The following ASAH1 variants were observed in gnomAD, a reference collection of about 807,000 sequenced individuals.
The protein encoded by ASAH1 is acid ceramidase.
ASAH1 carries 70 observed loss-of-function variants against 59.5 expected under a neutral mutation model. The ratio of observed to expected loss-of-function variants is 1.18; its 90% CI spans 0.97 to 1.43. The LOEUF (loss-of-function observed/expected upper bound fraction) is 1.43, where lower values mean the gene tolerates loss of function less well. ASAH1 is among the 40% of genes most tolerant of loss of function. The pLI is 0.00. For missense variants in ASAH1, 660 were observed against 482.5 expected (o/e 1.37, Z -3.45); for synonymous variants, 213 against 166.5 (o/e 1.28, Z -2.15).
chr8:18,059,290 G>A (rs780072503), intron 12 of ASAH1, 51 bp downstream of exon 12: 6 of 1,613,090 alleles, frequency 3.7e-6, no homozygotes, highest in Middle Eastern at 1.7e-4. Context: ...CAGAACCAAG[G>A]GAATCTTTAA....
chr8:18,078,116 C>A (rs1589002956), intron 1 of ASAH1, among the ~76,000 whole-genome samples: 1 of 152,248 alleles, frequency 6.6e-6, no homozygotes, highest in East Asian at 1.9e-4. Flanking sequence ...TAGTTCAGGG[C>A]TTCTGGTGAT....
intron 5 of ASAH1, 108 bp downstream of exon 5, chr8:18,067,112 G>GTATATCTAAGACATACAGCACCTGTGCTT: frequency 7.9e-6 from 4 of 507,322 alleles, no homozygotes; most frequent in Non-Finnish European, 1.1e-5. Context: ...CACCTGTGCT[G>GTATATCTAAGACATACAGCACCTGTGCTT]TATATCTAAG....
At chr8:18,063,275 T>C (rs758718153) in intron 6 of ASAH1, 45 bp from the exon 7 acceptor site, 2 of 1,513,276 alleles carry the variant, frequency 1.3e-6, no homozygotes, top group Non-Finnish European at 9.2e-7. Flanking sequence ...CAGTTAAGAT[T>C]CTAAATCAAA....
chr8:18,064,686 C>A lies in ASAH1; in HGVS notation c.383-155G>T, dbSNP rs1799859263. 6.5e-6 allele frequency: 4 copies of A among 617,806 alleles called. No individual in the cohort carries two copies. The East Asian group carries it at 1.1e-4, about 17-fold the overall frequency. 38.3% of individuals were successfully genotyped at this position (617,806 alleles called of 1,614,324 possible). On this transcript the variant is annotated intron_variant, in intron 5 of 13. Coordinates refer to ENST00000637790, the MANE Select transcript of ASAH1 (RefSeq NM_177924.5). ...GGCCGGCTGGAGGTGGTTTTCTTCC[C>A]CAGCCTGGACTCTCTAGACTCAAGA...
intron 2 of ASAH1, chr8:18,073,214 T>G (rs1259043591): frequency 6.6e-7 from 1 of 1,523,448 alleles, no homozygotes; most frequent in South Asian, 1.2e-5. Context: ...AGTATTTAAC[T>G]TGTGCGCCTC....
At chr8:18,074,576 A>G (rs1231444318) in intron 2 of ASAH1, among the ~76,000 whole-genome samples, 1 of 152,206 alleles carries the variant, frequency 6.6e-6, no homozygotes, top group African/African-American at 2.4e-5. Context: ...GCGAAAGGGC[A>G]GTGTAGGAGA....
At chr8:18,084,517 C>T, upstream of ASAH1, 1 of 1,375,512 alleles carries the variant, frequency 7.3e-7, no homozygotes, top group South Asian at 1.3e-5. Flanking sequence ...ACTAATGTAA[C>T]ATCCCACCCT....
Position 18,056,302 on chromosome 8 carries a change from C to A in ASAH1, c.*1232G>T. 1 of 152,214 alleles carries A rather than the reference C, an allele frequency of 6.6e-6. No homozygotes were observed. Among genetic ancestry groups the A allele is most frequent in the East Asian group, 1.9e-4 (1 of 5,184 alleles). 9.4% of individuals were successfully genotyped at this position (152,214 alleles called of 1,614,324 possible). A position where few individuals can be genotyped will look rare whatever the true frequency, so the allele number is the denominator to read the frequency against. On this transcript the variant is annotated 3_prime_UTR_variant, in exon 14 of 14. Coordinates refer to ENST00000637790, the MANE Select transcript of ASAH1 (RefSeq NM_177924.5). The stretch of plus-strand genomic sequence containing the variant: ...CAGTCATGTAAGAGTAAGATTGTGA[C>A]CGTTTAGTCATATTTAATAACCCAC...
At chr8:18,067,051 T>G in intron 5 of ASAH1, 169 bp downstream of exon 5, 1 of 285,692 alleles carries the variant, frequency 3.5e-6, no homozygotes, top group Non-Finnish European at 7.3e-6. Flanking sequence ...CATGGCTACA[T>G]GCATGCATGC....
chr8:18,071,203 T>C (rs1383881033), intron 3 of ASAH1, 97 bp downstream of exon 3: 2 of 673,450 alleles, frequency 3.0e-6, no homozygotes, highest in African/African-American at 2.0e-5. Context: ...TGAGACTCTG[T>C]CTCAAAACAA....
At chr8:18,070,139 C>G (rs1394652724) in intron 3 of ASAH1, among the ~76,000 whole-genome samples, 3 of 148,816 alleles carry the variant, frequency 2.0e-5, no homozygotes, top group African/African-American at 7.3e-5. Context: ...CATCACCATT[C>G]CCAGCTAATT....
rs1799713951 is a variant in ASAH1, at chr8:18,061,799, T to C, written c.649-59A>G. 8 of 1,461,308 alleles carry C rather than the reference T, an allele frequency of 5.5e-6. No individual in the cohort carries two copies. The Admixed American group carries it at 1.6e-4, about 29-fold the overall frequency. The allele number at this position is 1,461,308 out of a possible 1,614,324, so 90.5% of individuals were successfully genotyped here. A position where few individuals can be genotyped will look rare whatever the true frequency, so the allele number is the denominator to read the frequency against. On this transcript the variant is annotated intron_variant, in intron 8 of 13. Transcript: ENST00000637790. ...ATCAACCATGCGCTTTAAGGCCCTG[T>C]CGCTCACTGTACTTCAGAGTGGGAT...
rs754262350 is a variant in ASAH1, at chr8:18,071,427, G to C, written c.126-37C>G. ...GGTGTATCATCTTGAAATGATGAAAGGGTTTTTTGTGAGGGTCAGTTAGAT... is the reference window on the plus strand; with the variant it reads ...GGTGTATCATCTTGAAATGATGAAACGGTTTTTTGTGAGGGTCAGTTAGAT... On this transcript the variant is annotated intron_variant, in intron 2 of 13. Coordinates refer to ENST00000637790, the MANE Select transcript of ASAH1 (RefSeq NM_177924.5). The C allele has an allele frequency of 2.7e-5, 36 of 1,356,090 alleles. 1 individual carries two copies. The Middle Eastern group carries it at 1.4e-3, about 54-fold the overall frequency. The allele number at this position is 1,356,090 out of a possible 1,614,324, so 84.0% of individuals were successfully genotyped here.
rs1799706513 is a variant in ASAH1, at chr8:18,061,688, A to C, written c.701T>G (p.Leu234Arg). The change falls in exon 9 of 14, where the codon CTG becomes CGG. Residue 234 changes from leucine (L) to arginine (R), a missense_variant and splice_region_variant. Physicochemically the swap from Leu to Arg is moderately radical, Grantham distance 102. Coordinates refer to ENST00000637790, the MANE Select transcript of ASAH1 (RefSeq NM_177924.5). Reference protein sequence around the residue: ...NERFSINGGYLGILEWILGKK... With the variant: ...NERFSINGGYRGILEWILGKK... The stretch of plus-strand genomic sequence containing the variant: ...TCACTTGAGAATGCTCTACTTACCC[A>C]GATAACCACCATTTATACTGAAACG... 2 of 1,586,310 alleles carry C rather than the reference A, an allele frequency of 1.3e-6. No homozygotes were observed. The highest frequency in any genetic ancestry group is 4.6e-5 in the East Asian group (2 of 43,610).
chr8:18,062,060 C>A, intron 8 of ASAH1: 1 of 653,940 alleles, frequency 1.5e-6, no homozygotes, highest in South Asian at 2.0e-5. Flanking sequence ...TGACACCCAG[C>A]CACATGCTCT....
chr8:18,059,496 C>T, intron 11 of ASAH1, 32 bp from the exon 12 acceptor site: 1 of 1,614,130 alleles, frequency 6.2e-7, no homozygotes, highest in Non-Finnish European at 8.5e-7. Flanking sequence ...CCCTCTTAGG[C>T]TACATGCCTT....
At chr8:18,073,670 C>T (rs1800269193) in intron 2 of ASAH1, among the ~76,000 whole-genome samples, 1 of 152,204 alleles carries the variant, frequency 6.6e-6, no homozygotes, top group African/African-American at 2.4e-5. Flanking sequence ...TTTCTTCCCT[C>T]ATATCTGCCC....
intron 1 of ASAH1, chr8:18,076,501 A>G (rs1427865822): frequency 6.6e-6 from 1 of 152,236 alleles, no homozygotes; most frequent in African/African-American, 2.4e-5. Flanking sequence ...TATCAAAAAA[A>G]GTCCACACAG....
At chr8:18,079,294 A>AAAC (rs1564553248) in intron 1 of ASAH1, among the ~76,000 whole-genome samples, 1 of 151,474 alleles carries the variant, frequency 6.6e-6, no homozygotes, top group Non-Finnish European at 1.5e-5. Context: ...AAAAACAAAA[A>AAAC]ACTCTCTGGA....
Sources: allele counts gnomAD v4.1 joint callset (sites outside exome capture counted in the v4.1 genomes callset), GRCh38; gene constraint gnomAD v4.1.1; transcripts MANE v1.5; gene names NCBI Gene and HGNC (gene_info 2026-07-23, HGNC 2026-07-21).